Variants in PLET1 observed in about 807,000 individuals in gnomAD.
PLET1 encodes placenta-expressed transcript 1 protein.
PLET1 carries 20 observed loss-of-function variants against 18.5 expected under a neutral mutation model. The observed-to-expected ratio is 1.08, with a 90% CI of 0.76 to 1.57. The LOEUF is 1.57. Among genes scored for constraint, PLET1 ranks in the 40% most tolerant of loss-of-function variants. The pLI is 0.00. For synonymous variants in PLET1, 93 were observed against 93.8 expected, an observed-to-expected ratio of 0.99 and a Z score of 0.05; for missense variants, 256 against 246.4, an observed-to-expected ratio of 1.04 and a Z score of -0.26.
intron 3 of PLET1, 122 bp from the exon 4 acceptor site, chr11:112,249,096 G>T: frequency 1.1e-6 from 1 of 917,390 alleles, no homozygotes; most frequent in Non-Finnish European, 1.6e-6. Context: ...AGATTCATGA[G>T]CAAAATTCAA....
At chr11:112,253,617 G>A (rs986730989) in intron 2 of PLET1, among the ~76,000 whole-genome samples, 5 of 152,192 alleles carry the variant, frequency 3.3e-5, no homozygotes, top group African/African-American at 9.6e-5. Context: ...GAAAGCCCTT[G>A]CCCTAATTGG....
rs992954504 is a variant in PLET1, at chr11:112,248,745, C to T, written c.*54G>A. The T allele has an allele frequency of 1.4e-5, 21 of 1,519,944 alleles. No individual in the cohort carries two copies. The South Asian group carries it at 2.6e-4, about 19-fold the overall frequency. 94.2% of individuals were successfully genotyped at this position (1,519,944 alleles called of 1,614,324 possible). A position where few individuals can be genotyped will look rare whatever the true frequency, so the allele number is the denominator to read the frequency against. ...TTCGGTTCCCAGCACTAGCTTGGAA[C>T]TGAATGTAGGAGGATGCAGTGGAGG... On this transcript the variant is annotated 3_prime_UTR_variant, in exon 4 of 4. Transcript: ENST00000338832.
At chr11:112,259,830 G>A (rs761426538) in intron 1 of PLET1, among the ~76,000 whole-genome samples, 59 of 152,124 alleles carry the variant, frequency 3.9e-4, no homozygotes, top group Admixed American at 3.9e-4. Flanking sequence ...TTGAAGCCAG[G>A]AGTTCGAGAC....
intron 1 of PLET1, among the ~76,000 whole-genome samples, chr11:112,256,102 T>A (rs919808693): frequency 1.3e-5 from 2 of 152,170 alleles, no homozygotes; most frequent in Admixed American, 1.3e-4. Context: ...ATGCTGATTC[T>A]CTTGGTCTCT....
chr11:112,255,617 A>G (rs1566829859), intron 1 of PLET1, 28 bp from the exon 2 acceptor site: 3 of 1,542,380 alleles, frequency 1.9e-6, no homozygotes, highest in Non-Finnish European at 2.6e-6. Context: ...AGAAGCAATC[A>G]GCCATCTGTT....
chr11:112,258,459 T>G (rs1860248977), intron 1 of PLET1, among the ~76,000 whole-genome samples: 1 of 151,970 alleles, frequency 6.6e-6, no homozygotes, highest in Admixed American at 6.6e-5. Flanking sequence ...AATTTTTGTG[T>G]TTTTAGTAAA....
intron 1 of PLET1, among the ~76,000 whole-genome samples, chr11:112,257,194 AG>A (rs971020285): frequency 1.3e-5 from 2 of 152,118 alleles, no homozygotes; most frequent in African/African-American, 4.8e-5. Context: ...TCCCACTCTA[AG>A]GGCAGCCAGC....
rs1393152624 is a variant in PLET1, at chr11:112,254,884, GTA to G, written c.386+502_386+503del. On this transcript the variant is annotated intron_variant, in intron 2 of 3. Transcript: ENST00000338832. ...TATGTGTGTGTGGTGCATGTGGTATGTATGTGTGTGGTGTATGTGGTGTGTGT... is the reference window on the plus strand; with the variant it reads ...TATGTGTGTGTGGTGCATGTGGTATGTGTGTGTGGTGTATGTGGTGTGTGT... Among the ~76,000 whole-genome samples, 10 of 79,014 alleles carry G rather than the reference GTA, an allele frequency of 1.3e-4. No homozygotes were observed. In the East Asian group the frequency reaches 1.6e-3, roughly 12 times the overall value. The allele number at this position is 79,014 out of a possible 152,430, so 51.8% of individuals were successfully genotyped here. A position where few individuals can be genotyped will look rare whatever the true frequency, so the allele number is the denominator to read the frequency against.
intron 1 of PLET1, among the ~76,000 whole-genome samples, chr11:112,258,107 A>G (rs1478122399): frequency 2.6e-5 from 4 of 152,156 alleles, no homozygotes; most frequent in African/African-American, 9.6e-5. Context: ...AAGGAGCCTT[A>G]GGTCTTCTCT....
chr11:112,253,742 A>G (rs1438964906), intron 2 of PLET1, among the ~76,000 whole-genome samples: 5 of 152,200 alleles, frequency 3.3e-5, no homozygotes, highest in South Asian at 2.1e-4. Context: ...TCCAAAGCCA[A>G]TTAGGTCCAA....
chr11:112,260,230 G>GC, intron 1 of PLET1, 176 bp downstream of exon 1: 1 of 642,074 alleles, frequency 1.6e-6, no homozygotes, highest in Non-Finnish European at 2.5e-6. Flanking sequence ...TGCAGAAATA[G>GC]CCCCCCAGCC....
intron 2 of PLET1, among the ~76,000 whole-genome samples, chr11:112,254,744 CTGTGTGTGTGG>C (rs1202798799): frequency 7.4e-5 from 5 of 67,868 alleles, no homozygotes; most frequent in African/African-American, 1.8e-4. Flanking sequence ...TGTGTGTGTG[CTGTGTGTGTGG>C]TGTGTGTGCT....
At chr11:112,251,347 G>T (rs2135416331) in intron 3 of PLET1, among the ~76,000 whole-genome samples, 1 of 151,998 alleles carries the variant, frequency 6.6e-6, no homozygotes, top group East Asian at 1.9e-4. Flanking sequence ...GCTTTGGGAG[G>T]CTGAGGTGGG....
intron 2 of PLET1, among the ~76,000 whole-genome samples, chr11:112,255,082 ATGTGTGGTGTGTGTGG>A (rs1860210405): frequency 7.4e-5 from 1 of 13,482 alleles, no homozygotes; most frequent in African/African-American, 2.2e-4. Context: ...TGTGTGTGGT[ATGTGTGGTGTGTGTGG>A]TATGTATGTG....
chr11:112,249,043 G>A, intron 3 of PLET1, 69 bp from the exon 4 acceptor site: 1 of 1,392,660 alleles, frequency 7.2e-7, no homozygotes, highest in Non-Finnish European at 9.8e-7. Context: ...GGTGGTGGGT[G>A]GGCACTCGAG....
At chr11:112,253,651 G>T (rs1860181509) in intron 2 of PLET1, among the ~76,000 whole-genome samples, 1 of 152,198 alleles carries the variant, frequency 6.6e-6, no homozygotes. Context: ...CTAAGCAACT[G>T]CTGTCATTGG....
chr11:112,253,556 TTCATCTC>T (rs1452014926), intron 2 of PLET1, among the ~76,000 whole-genome samples: 1 of 152,220 alleles, frequency 6.6e-6, no homozygotes, highest in Non-Finnish European at 1.5e-5. Flanking sequence ...TGTTTGGTCT[TTCATCTC>T]TTGTTGCATG....
chr11:112,258,662 A>G (rs901164779), intron 1 of PLET1, among the ~76,000 whole-genome samples: 1 of 152,064 alleles, frequency 6.6e-6, no homozygotes, highest in Non-Finnish European at 1.5e-5. Context: ...GAGGCTCGTG[A>G]TCTCTTTTGC....
chr11:112,253,331 T>G (rs914496674), intron 2 of PLET1, among the ~76,000 whole-genome samples: 5 of 152,170 alleles, frequency 3.3e-5, no homozygotes, highest in Non-Finnish European at 5.9e-5. Context: ...TTCCCATCCC[T>G]TTTGTGCCCA....
Sources: allele counts gnomAD v4.1 joint callset (sites outside exome capture counted in the v4.1 genomes callset), GRCh38; gene constraint gnomAD v4.1.1; transcripts MANE v1.5; gene names NCBI Gene and HGNC (gene_info 2026-07-23, HGNC 2026-07-21).